USP4: variants seen among roughly 807,000 people sequenced by gnomAD.
USP4 encodes the protein ubiquitin specific peptidase 4.
Under a neutral mutation model 118.2 loss-of-function variants are expected in USP4, and 72 were observed. The ratio of observed to expected loss-of-function variants is 0.61; its 90% CI spans 0.50 to 0.74. The LOEUF (loss-of-function observed/expected upper bound fraction) is 0.74. USP4 is among the 30% of genes least tolerant of loss of function. The pLI is 0.00. For missense variants in USP4, 1,037 were observed against 1,185.7 expected, an observed-to-expected ratio of 0.87 and a Z score of 1.84; for synonymous variants, 415 against 440.4, an observed-to-expected ratio of 0.94 and a Z score of 0.72.
At chr3:49,293,454 T>A (rs1337826072) in intron 14 of USP4, 1 of 153,362 alleles carries the variant, frequency 6.5e-6, no homozygotes, top group Non-Finnish European at 1.4e-5. Context: ...AGAGTGAAAC[T>A]CCATCTCAAA....
chr3:49,331,255 G>C (rs1282228643), intron 2 of USP4, among the ~76,000 whole-genome samples: 6 of 152,132 alleles, frequency 3.9e-5, no homozygotes, highest in African/African-American at 1.4e-4. Flanking sequence ...GGGAGGCAGA[G>C]GTTGTGGTGA....
chr3:49,317,686 C>T (rs1369838770), intron 6 of USP4, among the ~76,000 whole-genome samples: 3 of 150,688 alleles, frequency 2.0e-5, no homozygotes, highest in African/African-American at 4.9e-5. Context: ...GGACTACAGG[C>T]GCCTGCCACC....
chr3:49,278,520 T>C lies in USP4; in HGVS notation c.2734-69A>G. ...TCACCCATTTTCCCCAGCTTTTCTCTAGCTGTCCAAAACCCTCAAGGATCT... is the reference window on the plus strand; with the variant it reads ...TCACCCATTTTCCCCAGCTTTTCTCCAGCTGTCCAAAACCCTCAAGGATCT... On this transcript the variant is annotated intron_variant, in intron 21 of 21. Transcript: ENST00000265560. 3 of 1,550,424 alleles carry C rather than the reference T, an allele frequency of 1.9e-6. No homozygotes were observed. In the East Asian group the frequency reaches 6.7e-5, roughly 35 times the overall value.
At chr3:49,306,198 GTGTTTTTTTT>G (rs1305135745) in intron 8 of USP4, among the ~76,000 whole-genome samples, 2 of 150,208 alleles carry the variant, frequency 1.3e-5, no homozygotes, top group Non-Finnish European at 3.0e-5. Flanking sequence ...AATGAAAAAA[GTGTTTTTTTT>G]TGTTTTTTTT....
intron 6 of USP4, among the ~76,000 whole-genome samples, chr3:49,319,118 G>A (rs1164467079): frequency 1.3e-5 from 2 of 150,602 alleles, no homozygotes; most frequent in African/African-American, 2.4e-5. Context: ...CTCCTGCTTG[G>A]GTGACAGAGC....
At chr3:49,295,716 A>G (rs566974787) in intron 13 of USP4, among the ~76,000 whole-genome samples, 2,141 of 143,324 alleles carry the variant, frequency 0.015, 28 homozygotes, top group African/African-American at 0.038. Flanking sequence ...GCGCGCGCGC[A>G]CACACACACA....
Position 49,324,733 on chromosome 3 carries a change from C to T in USP4, c.664G>A (p.Gly222Ser). 6.2e-7 allele frequency: 1 copy of T among 1,614,162 alleles called. No individual in the cohort carries two copies. The highest frequency in any genetic ancestry group is 1.1e-5 in the South Asian group (1 of 91,076). The change falls in exon 6 of 22, where the codon GGC (glycine) becomes AGC (serine). Residue 222 changes from glycine to serine, a missense_variant. Transcript: ENST00000265560. ...TGCAAGGTCTGCCTGGGCCATGTGC[C>T]ATCTTCATTTTGAGGCTCAATTACT... ...VLVIEPQNED[G>S]TWPRQTLQSK...
At chr3:49,298,482 G>T in intron 12 of USP4, 70 bp downstream of exon 12, 1 of 1,516,030 alleles carries the variant, frequency 6.6e-7, no homozygotes, top group Admixed American at 1.7e-5. Flanking sequence ...TGGCTTCAAG[G>T]TTGAAAGTAA....
intron 8 of USP4, among the ~76,000 whole-genome samples, chr3:49,308,054 GC>G (rs1213795253): frequency 6.6e-6 from 1 of 151,988 alleles, no homozygotes; most frequent in African/African-American, 2.4e-5. Context: ...GTCTAGCTTT[GC>G]CCCTGGCTTC....
intron 10 of USP4, among the ~76,000 whole-genome samples, chr3:49,302,075 C>T (rs2047267814): frequency 6.6e-6 from 1 of 151,320 alleles, no homozygotes; most frequent in Admixed American, 6.6e-5. Flanking sequence ...AACTAGGGTA[C>T]AGTGCCTCAC....
intron 6 of USP4, chr3:49,317,457 G>C: frequency 1.3e-6 from 1 of 773,762 alleles, no homozygotes; most frequent in Non-Finnish European, 2.3e-6. Context: ...TGCCCTGCTG[G>C]GTCAACATCT....
chr3:49,324,162 C>T (rs1030436684), intron 6 of USP4, among the ~76,000 whole-genome samples: 4 of 152,104 alleles, frequency 2.6e-5, no homozygotes, highest in Admixed American at 2.6e-4. Context: ...CCATGCCTAG[C>T]TAATTTTTGT....
chr3:49,294,269 G>A, intron 14 of USP4, 138 bp downstream of exon 14: 1 of 950,152 alleles, frequency 1.1e-6, no homozygotes, highest in Non-Finnish European at 1.5e-6. Flanking sequence ...ACAGGCATGA[G>A]CCACTGCACC....
rs200126395 is a variant in USP4 at position 49,330,213 on chromosome 3, ATTAC to A, written c.230-2401_230-2398del. ...AAACAAACAAACAAAAAAAGTTGAA[ATTAC>A]TTCTTGACTCACAGGCTGCAGAACG... is the stretch of plus-strand genomic sequence containing the variant. On this transcript the variant is annotated intron_variant, in intron 2 of 21. Coordinates refer to ENST00000265560, the MANE Select transcript of USP4 (RefSeq NM_003363.4). Among the ~76,000 whole-genome samples the A allele has an allele frequency of 5.0e-3, 767 of 151,994 alleles. 8 individuals are homozygous for A. Among genetic ancestry groups the A allele is most frequent in the African/African-American group, 0.018 (730 of 41,468 alleles).
chr3:49,325,058 A>G lies in USP4; in HGVS notation c.488-19T>C, dbSNP rs2047538214. 6.2e-7 allele frequency: 1 copy of G among 1,609,590 alleles called. No individual in the cohort carries two copies. Among genetic ancestry groups the G allele is most frequent in the Non-Finnish European group, 8.5e-7 (1 of 1,178,600 alleles). On this transcript the variant is annotated intron_variant, in intron 4 of 21. Coordinates refer to ENST00000265560, the MANE Select transcript of USP4 (RefSeq NM_003363.4). ...ATGGTTGCTAGGAACAGGCAGAAAT[A>G]TCACTTGGGGCTTTGTCCACATGCA...
chr3:49,319,549 C>T (rs2047477847), intron 6 of USP4, among the ~76,000 whole-genome samples: 1 of 151,644 alleles, frequency 6.6e-6, no homozygotes, highest in Non-Finnish European at 1.5e-5. Flanking sequence ...TATTTCCATT[C>T]CCTCAATTTC....
intron 1 of USP4, among the ~76,000 whole-genome samples, chr3:49,337,883 T>A (rs563287410): frequency 6.6e-6 from 1 of 151,418 alleles, no homozygotes; most frequent in African/African-American, 2.4e-5. Flanking sequence ...CTGTCTCTAC[T>A]AAAAATACAA....
intron 6 of USP4, among the ~76,000 whole-genome samples, chr3:49,323,784 T>C (rs764844693): frequency 2.0e-5 from 3 of 152,158 alleles, no homozygotes; most frequent in South Asian, 2.1e-4. Context: ...GGAACACAGA[T>C]ATAATTTCCA....
chr3:49,337,103 C>A (rs945027156), intron 1 of USP4, among the ~76,000 whole-genome samples: 3 of 151,866 alleles, frequency 2.0e-5, no homozygotes, highest in African/African-American at 4.8e-5. Context: ...GGGCAACAAA[C>A]CCCATCTCTA....
Sources: gnomAD v4.1 joint callset for allele counts (sites outside exome capture counted in the v4.1 genomes callset) on GRCh38, gnomAD v4.1.1 for gene constraint, MANE v1.5 for transcripts, NCBI Gene and HGNC (gene_info 2026-07-23, HGNC 2026-07-21) for gene names.